Variants in TMEM132D observed in about 807,000 individuals in gnomAD.
The protein encoded by TMEM132D is mature OL transmembrane protein.
TMEM132D carries 21 observed loss-of-function variants against 62.3 expected under a neutral mutation model. The observed-to-expected ratio is 0.34, with a 90% confidence interval of 0.24 to 0.49. The LOEUF is 0.49. Ranked by LOEUF, TMEM132D falls within the 20% of genes least tolerant of loss-of-function variation. The pLI, the probability that TMEM132D is intolerant of heterozygous loss-of-function variation, is 0.99. For missense variants in TMEM132D, 1,346 were observed against 1,402.8 expected (o/e 0.96, Z 0.65); for synonymous variants, 621 against 575.6 (o/e 1.08, Z -1.13).
chr12:129,599,226 C>A (rs1478230247), intron 2 of TMEM132D, among the ~76,000 whole-genome samples: 1 of 152,198 alleles, frequency 6.6e-6, no homozygotes, highest in Admixed American at 6.5e-5. Flanking sequence ...GTTTTATGAA[C>A]CAATAAATTC....
chr12:129,884,591 A>G (rs1171652285), intron 1 of TMEM132D, among the ~76,000 whole-genome samples: 1 of 152,286 alleles, frequency 6.6e-6, no homozygotes, highest in Non-Finnish European at 1.5e-5. Flanking sequence ...TAGAATGGCT[A>G]CAATAAAATT....
At chr12:129,716,756 G>T (rs767835989) in intron 1 of TMEM132D, among the ~76,000 whole-genome samples, 1 of 152,154 alleles carries the variant, frequency 6.6e-6, no homozygotes, top group Non-Finnish European at 1.5e-5. Flanking sequence ...AGTGGAAGAG[G>T]GAGGTAGGAG....
chr12:129,441,685 C>A (rs1872939849), intron 3 of TMEM132D, among the ~76,000 whole-genome samples: 1 of 152,118 alleles, frequency 6.6e-6, no homozygotes, highest in African/African-American at 2.4e-5. Flanking sequence ...GAGCCCTGTG[C>A]CCATATGCTC....
At chr12:129,695,376 T>C (rs886422989) in intron 2 of TMEM132D, among the ~76,000 whole-genome samples, 4 of 152,222 alleles carry the variant, frequency 2.6e-5, no homozygotes, top group African/African-American at 7.2e-5. Context: ...CGGGGACATA[T>C]GGGAACACTG....
chr12:129,612,722 G>GTCTTTAA (rs1878808924), intron 2 of TMEM132D, among the ~76,000 whole-genome samples: 1 of 151,350 alleles, frequency 6.6e-6, no homozygotes, highest in South Asian at 2.1e-4. Flanking sequence ...TGTTAATTTG[G>GTCTTTAA]CCCCAGGCAA....
chr12:129,315,942 T>C (rs1289702929), intron 4 of TMEM132D, among the ~76,000 whole-genome samples: 1 of 152,192 alleles, frequency 6.6e-6, no homozygotes, highest in East Asian at 1.9e-4. Context: ...GTGTTCATAG[T>C]AACCTTGAAT....
chr12:129,700,787 G>A, intron 1 of TMEM132D, 89 bp from the exon 2 acceptor site: 2 of 1,435,776 alleles, frequency 1.4e-6, no homozygotes, highest in Non-Finnish European at 9.2e-7. Flanking sequence ...CTTCATAACA[G>A]AGGACCCTGT....
Position 129,517,617 on chromosome 12 carries a change from C to T in TMEM132D, c.1115+13442G>A, listed in dbSNP as rs893828375. Reference sequence around the variant, plus strand: ...CATATTTAAGGGCGTCAAGCTGCATCATTGCCTGATGTTAAAATAGCACTG... The same window carrying T: ...CATATTTAAGGGCGTCAAGCTGCATTATTGCCTGATGTTAAAATAGCACTG... On this transcript the variant is annotated intron_variant, in intron 3 of 8. Coordinates refer to ENST00000422113, the MANE Select transcript of TMEM132D (RefSeq NM_133448.3). 3.3e-4 allele frequency among the ~76,000 whole-genome samples: 50 copies of T among 152,290 alleles called. 1 individual carries two copies. The highest frequency in any genetic ancestry group is 1.2e-3 in the African/African-American group (48 of 41,580).
chr12:129,144,828 TTG>T (rs1876844701), intron 5 of TMEM132D, among the ~76,000 whole-genome samples: 5 of 152,210 alleles, frequency 3.3e-5, no homozygotes, highest in African/African-American at 1.2e-4. Context: ...CAGCTCTCTA[TTG>T]ATTATCTATC....
At chr12:129,419,064 AG>A (rs1322661734) in intron 3 of TMEM132D, among the ~76,000 whole-genome samples, 2 of 152,244 alleles carry the variant, frequency 1.3e-5, no homozygotes, top group Non-Finnish European at 2.9e-5. Flanking sequence ...TCTAGTTTTC[AG>A]AACAGTGAGA....
At chr12:129,086,201 C>CAT (rs1874615190) in intron 5 of TMEM132D, among the ~76,000 whole-genome samples, 2 of 141,038 alleles carry the variant, frequency 1.4e-5, no homozygotes, top group South Asian at 2.2e-4. Context: ...CACGCGCGCG[C>CAT]GTGTGTGTGT....
chr12:129,609,660 G>T (rs1878718155), intron 2 of TMEM132D, among the ~76,000 whole-genome samples: 1 of 152,116 alleles, frequency 6.6e-6, no homozygotes, highest in African/African-American at 2.4e-5. Flanking sequence ...TTCATGCTCT[G>T]GTCCAGACAC....
intron 2 of TMEM132D, among the ~76,000 whole-genome samples, chr12:129,614,793 C>T (rs1007496379): frequency 2.6e-5 from 4 of 152,154 alleles, no homozygotes; most frequent in African/African-American, 9.7e-5. Flanking sequence ...CAGCTCTCCC[C>T]GGAATCCAAA....
At chr12:129,454,252 G>A (rs755369190) in intron 3 of TMEM132D, among the ~76,000 whole-genome samples, 1 of 152,200 alleles carries the variant, frequency 6.6e-6, no homozygotes, top group Non-Finnish European at 1.5e-5. Flanking sequence ...TTATGGAAAA[G>A]ATTAGACTTC....
chr12:129,178,437 T>TTG (rs1555234784), intron 5 of TMEM132D, among the ~76,000 whole-genome samples: 1 of 137,156 alleles, frequency 7.3e-6, no homozygotes, highest in Non-Finnish European at 1.6e-5. Context: ...GCATCTGTTT[T>TTG]TTTTTTTTTT....
At chr12:129,801,701 G>A (rs981875599) in intron 1 of TMEM132D, among the ~76,000 whole-genome samples, 7 of 151,668 alleles carry the variant, frequency 4.6e-5, no homozygotes, top group African/African-American at 7.3e-5. Flanking sequence ...TGACTTTGAC[G>A]AGCTGAGAGA....
chr12:129,654,683 C>A (rs1224764359), intron 2 of TMEM132D, among the ~76,000 whole-genome samples: 1 of 152,270 alleles, frequency 6.6e-6, no homozygotes, highest in African/African-American at 2.4e-5. Flanking sequence ...GGACCCTCGG[C>A]TTGCTGAAAG....
intron 4 of TMEM132D, among the ~76,000 whole-genome samples, chr12:129,214,484 A>G (rs1305413928): frequency 6.6e-6 from 1 of 152,174 alleles, no homozygotes; most frequent in Non-Finnish European, 1.5e-5. Context: ...TGCCCATTCA[A>G]TGTCTGTTCT....
At chr12:129,320,671 A>G (rs892858274) in intron 4 of TMEM132D, among the ~76,000 whole-genome samples, 2 of 152,246 alleles carry the variant, frequency 1.3e-5, no homozygotes, top group African/African-American at 4.8e-5. Context: ...AAATGAAGTT[A>G]TAAAAGATTA....
Sources: gnomAD v4.1 joint callset for allele counts (sites outside exome capture counted in the v4.1 genomes callset) on GRCh38, gnomAD v4.1.1 for gene constraint, MANE v1.5 for transcripts, NCBI Gene and HGNC (gene_info 2026-07-23, HGNC 2026-07-21) for gene names.